The following MRPL48 variants were observed in gnomAD, a reference collection of about 807,000 sequenced individuals.
MRPL48 encodes the protein large ribosomal subunit protein mL48.
MRPL48 carries 16 observed loss-of-function variants against 32.9 expected under a neutral mutation model. The ratio of observed to expected loss-of-function variants is 0.49; its 90% confidence interval spans 0.33 to 0.74. The LOEUF (loss-of-function observed/expected upper bound fraction) is 0.74, where lower values mean the gene tolerates loss of function less well. MRPL48 is among the 30% of genes least tolerant of loss of function. MRPL48 has a pLI of 0.02. For synonymous variants in MRPL48, 94 were observed against 89.2 expected, an observed-to-expected ratio of 1.05 and a Z score of -0.31; for missense variants, 206 against 245.3, an observed-to-expected ratio of 0.84 and a Z score of 1.07.
intron 5 of MRPL48, among the ~76,000 whole-genome samples, chr11:73,847,904 T>C (rs1948323063): frequency 6.6e-6 from 1 of 152,174 alleles, no homozygotes; most frequent in Non-Finnish European, 1.5e-5. Flanking sequence ...AGATACGTGT[T>C]TTGCAAATAT....
intron 3 of MRPL48, chr11:73,817,750 C>A: frequency 3.2e-6 from 1 of 309,388 alleles, no homozygotes; most frequent in Non-Finnish European, 6.5e-6. Flanking sequence ...TGAAAGCACA[C>A]AGTTTTGTTG....
At chr11:73,841,017 A>G (rs1948177558) in intron 4 of MRPL48, among the ~76,000 whole-genome samples, 1 of 152,184 alleles carries the variant, frequency 6.6e-6, no homozygotes, top group Admixed American at 6.6e-5. Flanking sequence ...ATAGCCAGTA[A>G]TCATATGGGA....
chr11:73,846,067 CAAAAAAAAAAA>C (rs749259766), intron 5 of MRPL48, among the ~76,000 whole-genome samples: 5 of 57,824 alleles, frequency 8.6e-5, no homozygotes, highest in South Asian at 7.3e-4. Flanking sequence ...GACCCTGTCT[CAAAAAAAAAAA>C]AAAAAAAAAA....
chr11:73,827,777 C>T (rs1796443696), intron 4 of MRPL48, among the ~76,000 whole-genome samples: 2 of 152,156 alleles, frequency 1.3e-5, no homozygotes, highest in African/African-American at 4.8e-5. Flanking sequence ...CTCATCCTTA[C>T]AGTAAAGAAT....
Position 73,811,391 on chromosome 11 carries a change from A to C in MRPL48, c.112+3041A>C, listed in dbSNP as rs59057905. On this transcript the variant is annotated intron_variant, in intron 3 of 7. Transcript: ENST00000310614. Reference sequence around the variant, plus strand: ...ATGCTTTAAAAAAGTTTGAGACTGAATGGGTCAATAAAATATTGGCAGGAA... The same window carrying C: ...ATGCTTTAAAAAAGTTTGAGACTGACTGGGTCAATAAAATATTGGCAGGAA... Among the ~76,000 whole-genome samples, 625 of 152,300 alleles carry C rather than the reference A, an allele frequency of 4.1e-3. 1 individual carries two copies. Among genetic ancestry groups the C allele is most frequent in the African/African-American group, 0.014 (592 of 41,558 alleles).
At chr11:73,863,471 G>A (rs1178141556) in intron 7 of MRPL48, among the ~76,000 whole-genome samples, 6 of 152,186 alleles carry the variant, frequency 3.9e-5, no homozygotes, top group Non-Finnish European at 7.3e-5. Flanking sequence ...GCCTATGAGT[G>A]CTGACTTTGA....
intron 5 of MRPL48, chr11:73,850,704 T>C (rs1948373068): frequency 4.9e-6 from 1 of 204,852 alleles, no homozygotes; most frequent in Non-Finnish European, 9.5e-6. Context: ...TGAAACGGAG[T>C]CTCGCTCTGT....
intron 1 of MRPL48, 42 bp from the exon 2 acceptor site, chr11:73,804,985 A>G (rs139478123): frequency 8.9e-5 from 139 of 1,559,162 alleles, no homozygotes; most frequent in Middle Eastern, 6.7e-4. Context: ...TTGGAGGTCT[A>G]TAAATGCTTA....
chr11:73,858,319 A>T (rs890715935), intron 5 of MRPL48, among the ~76,000 whole-genome samples: 6 of 152,240 alleles, frequency 3.9e-5, no homozygotes, highest in African/African-American at 9.6e-5. Flanking sequence ...TTACTTATGT[A>T]ATCTCATTTA....
chr11:73,831,040 A>G (rs1349730016), intron 4 of MRPL48, among the ~76,000 whole-genome samples: 1 of 151,856 alleles, frequency 6.6e-6, no homozygotes, highest in Non-Finnish European at 1.5e-5. Flanking sequence ...GGGTTTCATC[A>G]TGTTGGCCAG....
intron 1 of MRPL48, among the ~76,000 whole-genome samples, chr11:73,800,323 T>TATTTTAA (rs994603975): frequency 1.9e-4 from 29 of 152,152 alleles, no homozygotes; most frequent in Non-Finnish European, 3.8e-4. Context: ...GTAACAATGC[T>TATTTTAA]ATTTTAAATA....
intron 5 of MRPL48, among the ~76,000 whole-genome samples, chr11:73,847,534 G>A (rs748021651): frequency 2.6e-5 from 4 of 151,712 alleles, no homozygotes; most frequent in Non-Finnish European, 5.9e-5. Flanking sequence ...TCTGCCTCTC[G>A]GGTTCACGCC....
intron 5 of MRPL48, among the ~76,000 whole-genome samples, chr11:73,859,100 G>A (rs1948537437): frequency 6.6e-6 from 1 of 151,962 alleles, no homozygotes. Flanking sequence ...GGATGTGTAG[G>A]TCAGCCCCTA....
rs1948132801 is a variant in MRPL48 at position 73,837,991 on chromosome 11, A to G, written c.202-6816A>G. 1.3e-5 allele frequency among the ~76,000 whole-genome samples: 2 copies of G among 152,138 alleles called. 1 individual carries two copies. Among genetic ancestry groups the G allele is most frequent in the Admixed American group, 1.3e-4 (2 of 15,264 alleles). ...CTCAGCCTCCTGAGTATCTGGGACT[A>G]CAGGCACCCGCCACCACGCCTGGCT... On this transcript the variant is annotated intron_variant, in intron 4 of 7. Coordinates refer to ENST00000310614, the MANE Select transcript of MRPL48 (RefSeq NM_016055.6).
intron 1 of MRPL48, among the ~76,000 whole-genome samples, chr11:73,803,434 A>G (rs1409711941): frequency 4.0e-5 from 6 of 149,644 alleles, no homozygotes; most frequent in Non-Finnish European, 5.9e-5. Flanking sequence ...CCTGGCCTAG[A>G]GTGATTTTTT....
chr11:73,797,499 T>C (rs963858296), intron 1 of MRPL48, among the ~76,000 whole-genome samples: 8 of 152,192 alleles, frequency 5.3e-5, no homozygotes, highest in African/African-American at 1.2e-4. Flanking sequence ...AGCCCTGTGG[T>C]TGCTGGCATC....
At chr11:73,817,020 C>T (rs996457548) in intron 3 of MRPL48, among the ~76,000 whole-genome samples, 7 of 151,426 alleles carry the variant, frequency 4.6e-5, no homozygotes, top group East Asian at 1.9e-4. Context: ...TTAATAGAGA[C>T]GGGGTTTCAC....
intron 3 of MRPL48, among the ~76,000 whole-genome samples, chr11:73,808,784 G>A (rs374725789): frequency 2.2e-4 from 33 of 152,242 alleles, no homozygotes; most frequent in East Asian, 9.7e-4. Context: ...TTAGCTGGGC[G>A]TGGTGGCAGG....
intron 3 of MRPL48, among the ~76,000 whole-genome samples, chr11:73,812,370 G>A (rs137908587): frequency 7.2e-5 from 11 of 151,964 alleles, no homozygotes; most frequent in Admixed American, 5.3e-4. Context: ...AGCCATTTTC[G>A]TATGTCTTTG....
Sources: allele counts gnomAD v4.1 joint callset (sites outside exome capture counted in the v4.1 genomes callset), GRCh38; gene constraint gnomAD v4.1.1; transcripts MANE v1.5; gene names NCBI Gene and HGNC (gene_info 2026-07-23, HGNC 2026-07-21).